The following DLGAP1 variants were observed in gnomAD, a reference collection of about 807,000 sequenced individuals.
The protein encoded by DLGAP1 is disks large-associated protein 1.
A neutral mutation model predicts 90.8 loss-of-function variants in DLGAP1; 11 were observed. The observed-to-expected ratio is 0.12, with a 90% CI of 0.08 to 0.20. The LOEUF is 0.20. DLGAP1 is among the 10% of genes least tolerant of loss of function. The pLI, the probability that DLGAP1 is intolerant of heterozygous loss-of-function variation, is 1.00. For missense variants in DLGAP1, 1,050 were observed against 1,333.8 expected (o/e 0.79, Z 3.31); for synonymous variants, 558 against 540.7 (o/e 1.03, Z -0.44).
At chr18:3,581,837 A>G in intron 8 of DLGAP1, 38 bp downstream of exon 8, 1 of 1,601,290 alleles carries the variant, frequency 6.2e-7, no homozygotes, top group Non-Finnish European at 8.5e-7. Context: ...CCTTAGTTTT[A>G]AGTTCCTATT....
At chr18:3,585,054 G>A (rs574422060) in intron 7 of DLGAP1, among the ~76,000 whole-genome samples, 4 of 152,134 alleles carry the variant, frequency 2.6e-5, no homozygotes, top group East Asian at 3.9e-4. Context: ...TGCCATGCCC[G>A]GCCCATCTTT....
intron 7 of DLGAP1, among the ~76,000 whole-genome samples, chr18:3,700,750 C>T (rs1205884919): frequency 6.6e-6 from 1 of 152,058 alleles, no homozygotes; most frequent in East Asian, 1.9e-4. Context: ...GCTGGGACTA[C>T]AGGCGCCCAC....
intron 2 of DLGAP1, among the ~76,000 whole-genome samples, chr18:4,064,192 A>G (rs2075338767): frequency 6.6e-6 from 1 of 151,990 alleles, no homozygotes; most frequent in Non-Finnish European, 1.5e-5. Context: ...CATTTAAATT[A>G]GAAGGACAGT....
chr18:3,715,105 C>A (rs541864061), intron 7 of DLGAP1, among the ~76,000 whole-genome samples: 11 of 152,216 alleles, frequency 7.2e-5, no homozygotes, highest in African/African-American at 2.7e-4. Context: ...AGAAGCTCAA[C>A]TGCTTATTTC....
Position 3,498,423 on chromosome 18 carries a change from G to A in DLGAP1, c.*762C>T, listed in dbSNP as rs2049765331. The A allele has an allele frequency of 6.6e-6, 1 of 152,172 alleles. No individual in the cohort carries two copies. Among genetic ancestry groups the A allele is most frequent in the South Asian group, 2.1e-4 (1 of 4,832 alleles). 9.4% of individuals were successfully genotyped at this position (152,172 alleles called of 1,614,324 possible). A position where few individuals can be genotyped will look rare whatever the true frequency, so the allele number is the denominator to read the frequency against. On this transcript the variant is annotated 3_prime_UTR_variant, in exon 13 of 13. Coordinates refer to ENST00000315677, the MANE Select transcript of DLGAP1 (RefSeq NM_004746.4). ...CCTTGCTTCATGTTATTGCCTTTCA[G>A]AATAGATTAATTTCCCTGAAAGATC...
At chr18:4,265,511 TTC>T (rs2079094833) in intron 1 of DLGAP1, among the ~76,000 whole-genome samples, 1 of 148,606 alleles carries the variant, frequency 6.7e-6, no homozygotes, top group Non-Finnish European at 1.5e-5. Context: ...TCTTTGTTTC[TTC>T]TTTTTCTTTC....
chr18:4,442,739 G>A (rs1192179321), intron 1 of DLGAP1, among the ~76,000 whole-genome samples: 1 of 152,198 alleles, frequency 6.6e-6, no homozygotes, highest in Non-Finnish European at 1.5e-5. Context: ...TCAGAGCACA[G>A]TAATTCAATC....
chr18:3,791,471 A>G (rs1202387145), intron 5 of DLGAP1, among the ~76,000 whole-genome samples: 1 of 152,118 alleles, frequency 6.6e-6, no homozygotes, highest in African/African-American at 2.4e-5. Flanking sequence ...CTTAGTCTGC[A>G]CTGTATGATG....
intron 2 of DLGAP1, among the ~76,000 whole-genome samples, chr18:4,089,889 C>T (rs1043518628): frequency 1.3e-5 from 2 of 152,054 alleles, no homozygotes; most frequent in African/African-American, 2.4e-5. Context: ...ACTAAAAACA[C>T]AAAAAATTAG....
intron 1 of DLGAP1, among the ~76,000 whole-genome samples, chr18:4,385,013 G>T (rs1446473333): frequency 6.6e-6 from 1 of 151,992 alleles, no homozygotes; most frequent in Non-Finnish European, 1.5e-5. Flanking sequence ...CCTAATGCCT[G>T]CAACAGTGCC....
At chr18:4,343,774 T>G (rs746506761) in intron 1 of DLGAP1, among the ~76,000 whole-genome samples, 1 of 152,196 alleles carries the variant, frequency 6.6e-6, no homozygotes, top group Non-Finnish European at 1.5e-5. Context: ...GTTCTGCACA[T>G]GTATCCCAGA....
intron 3 of DLGAP1, among the ~76,000 whole-genome samples, chr18:3,985,829 T>C (rs1301077396): frequency 6.6e-6 from 1 of 152,188 alleles, no homozygotes; most frequent in Non-Finnish European, 1.5e-5. Flanking sequence ...ATGCACTTCA[T>C]TTTAAGGCAT....
At chr18:3,990,356 C>G (rs547436311) in intron 3 of DLGAP1, among the ~76,000 whole-genome samples, 3 of 151,858 alleles carry the variant, frequency 2.0e-5, no homozygotes, top group East Asian at 3.9e-4. Flanking sequence ...AGCTGGAAAC[C>G]ATCATTCTCA....
intron 3 of DLGAP1, among the ~76,000 whole-genome samples, chr18:3,883,611 A>G (rs2071236699): frequency 6.6e-6 from 1 of 152,222 alleles, no homozygotes; most frequent in Non-Finnish European, 1.5e-5. Flanking sequence ...TAGAATATTT[A>G]CTCAATTACT....
intron 8 of DLGAP1, chr18:3,580,460 A>G (rs2055424598): frequency 6.2e-7 from 1 of 1,611,852 alleles, no homozygotes; most frequent in African/African-American, 1.3e-5. Context: ...CAGCTCCCTC[A>G]GCCGCCACCT....
chr18:4,337,679 C>T (rs1598931902), intron 1 of DLGAP1, among the ~76,000 whole-genome samples: 1 of 152,102 alleles, frequency 6.6e-6, no homozygotes, highest in African/African-American at 2.4e-5. Flanking sequence ...AATAATTGAC[C>T]AGCCGAAACC....
intron 7 of DLGAP1, among the ~76,000 whole-genome samples, chr18:3,707,988 T>A (rs1326856831): frequency 6.6e-6 from 1 of 151,008 alleles, no homozygotes; most frequent in Non-Finnish European, 1.5e-5. Context: ...AAAAACTGCA[T>A]ACAACTCATC....
chr18:4,315,170 T>G (rs926852687), intron 1 of DLGAP1, among the ~76,000 whole-genome samples: 2 of 152,322 alleles, frequency 1.3e-5, no homozygotes, highest in East Asian at 3.9e-4. Flanking sequence ...TTTCCTCATC[T>G]GCCAAACTGG....
At chr18:4,318,905 A>T (rs1598889204) in intron 1 of DLGAP1, among the ~76,000 whole-genome samples, 1 of 152,208 alleles carries the variant, frequency 6.6e-6, no homozygotes, top group African/African-American at 2.4e-5. Flanking sequence ...GGATAGGAGG[A>T]ATATGTTCAA....
Sources: gnomAD v4.1 joint callset for allele counts (sites outside exome capture counted in the v4.1 genomes callset) on GRCh38, gnomAD v4.1.1 for gene constraint, MANE v1.5 for transcripts, NCBI Gene and HGNC (gene_info 2026-07-23, HGNC 2026-07-21) for gene names.